ANTXR2: variants seen among roughly 807,000 people sequenced by gnomAD.
ANTXR2 encodes ANTXR cell adhesion molecule 2.
Under a neutral mutation model 73.7 loss-of-function variants are expected in ANTXR2, and 44 were observed. The observed-to-expected ratio is 0.60, with a 90% CI of 0.47 to 0.77. ANTXR2 has a LOEUF of 0.77. ANTXR2 is among the 30% of genes least tolerant of loss of function. The pLI is 0.00. For synonymous variants in ANTXR2, 217 were observed against 205.9 expected, an observed-to-expected ratio of 1.05 and a Z score of -0.46; for missense variants, 604 against 592.5, an observed-to-expected ratio of 1.02 and a Z score of -0.20.
chr4:79,920,121 C>G (rs1727537280), intron 16 of ANTXR2, among the ~76,000 whole-genome samples: 1 of 151,496 alleles, frequency 6.6e-6, no homozygotes, highest in African/African-American at 2.4e-5. Context: ...GCTGGAAAGG[C>G]CTAAAAGCAA....
chr4:79,976,191 C>T (rs113142831), intron 16 of ANTXR2, among the ~76,000 whole-genome samples: 1 of 151,918 alleles, frequency 6.6e-6, no homozygotes, highest in East Asian at 1.9e-4. Context: ...GGATTACAGG[C>T]GTGAGCCACC....
At chr4:80,020,530 C>T (rs1732108983) in intron 10 of ANTXR2, among the ~76,000 whole-genome samples, 1 of 152,178 alleles carries the variant, frequency 6.6e-6, no homozygotes, top group Non-Finnish European at 1.5e-5. Context: ...TCTATTTCAA[C>T]CCTTCACAAT....
At chr4:79,911,511 A>G (rs1236020889) in intron 16 of ANTXR2, among the ~76,000 whole-genome samples, 1 of 151,832 alleles carries the variant, frequency 6.6e-6, no homozygotes, top group Admixed American at 6.6e-5. Flanking sequence ...TATTCTCTAT[A>G]TAGAGGCTAA....
In ANTXR2 at chr4:79,906,761, AG is replaced by A. The variant is rs1004136165; in HGVS notation, c.*667del. The A allele has an allele frequency of 6.6e-6, 1 of 152,666 alleles. No individual in the cohort carries two copies. Among genetic ancestry groups the A allele is most frequent in the Non-Finnish European group, 1.5e-5 (1 of 68,088 alleles). The allele number at this position is 152,666 out of a possible 1,614,324, so 9.5% of individuals were successfully genotyped here. On this transcript the variant is annotated 3_prime_UTR_variant, in exon 17 of 17. Transcript: ENST00000403729. ...AAAGAAAGGTGTCTTCGAAAACTAA[AG>A]GGCAAAATCTTGCTTGCTACCAATA... is the stretch of plus-strand genomic sequence containing the variant.
At chr4:79,912,389 T>C (rs1056733821) in intron 16 of ANTXR2, among the ~76,000 whole-genome samples, 4 of 151,988 alleles carry the variant, frequency 2.6e-5, no homozygotes, top group Admixed American at 6.6e-5. Flanking sequence ...TGCATGTAAA[T>C]ATTAATAATT....
chr4:79,965,264 G>T (rs2110000359), intron 16 of ANTXR2, among the ~76,000 whole-genome samples: 1 of 152,262 alleles, frequency 6.6e-6, no homozygotes, highest in Middle Eastern at 3.4e-3. Context: ...TGACAAGATT[G>T]TTTTCCTAGG....
intron 10 of ANTXR2, among the ~76,000 whole-genome samples, chr4:80,024,166 G>C (rs192510699): frequency 2.6e-5 from 4 of 152,074 alleles, no homozygotes; most frequent in Non-Finnish European, 5.9e-5. Flanking sequence ...TAGGAGGTGA[G>C]GAAGAAGAAA....
At chr4:80,033,210 T>C (rs1340719226) in intron 9 of ANTXR2, among the ~76,000 whole-genome samples, 3 of 152,018 alleles carry the variant, frequency 2.0e-5, no homozygotes, top group Non-Finnish European at 2.9e-5. Flanking sequence ...GTAATTTCAT[T>C]CTTTTAGCCA....
chr4:79,997,221 A>C (rs974727852), intron 12 of ANTXR2, among the ~76,000 whole-genome samples: 1 of 151,948 alleles, frequency 6.6e-6, no homozygotes, highest in Admixed American at 6.6e-5. Flanking sequence ...CAATATTCAG[A>C]AAAGAGTGAA....
rs904628541 is a variant in ANTXR2, at chr4:80,071,672, A to G, written c.153-18T>C. ...TCCCAGACCTGAAAGATGAAATTGA[A>G]CTGATCAGAGAAACAAAACACGGAA... On this transcript the variant is annotated intron_variant, in intron 1 of 16. Transcript: ENST00000403729. 6.3e-7 allele frequency: 1 copy of G among 1,591,294 alleles called. No individual in the cohort carries two copies. The highest frequency in any genetic ancestry group is 1.3e-5 in the African/African-American group (1 of 74,360).
At chr4:80,058,706 G>A (rs926471808) in intron 3 of ANTXR2, among the ~76,000 whole-genome samples, 11 of 150,880 alleles carry the variant, frequency 7.3e-5, no homozygotes, top group South Asian at 4.2e-4. Flanking sequence ...AAATGAAAGC[G>A]AAAATGACTA....
At chr4:80,063,484 T>C (rs1287431688) in intron 3 of ANTXR2, among the ~76,000 whole-genome samples, 2 of 151,980 alleles carry the variant, frequency 1.3e-5, no homozygotes, top group African/African-American at 4.8e-5. Flanking sequence ...AAACCACATA[T>C]ATATATATAA....
intron 16 of ANTXR2, among the ~76,000 whole-genome samples, chr4:79,956,488 T>G (rs1196855343): frequency 1.3e-5 from 2 of 152,114 alleles, no homozygotes; most frequent in African/African-American, 4.8e-5. Context: ...CATTCGGCAA[T>G]GTACCCTTGG....
chr4:79,961,111 T>A (rs894130788), intron 16 of ANTXR2, among the ~76,000 whole-genome samples: 11 of 152,084 alleles, frequency 7.2e-5, no homozygotes, highest in Middle Eastern at 6.8e-3. Context: ...ATGCACTGTA[T>A]CCCCCCTTGG....
intron 7 of ANTXR2, among the ~76,000 whole-genome samples, chr4:80,043,299 T>C (rs147534388): frequency 1.6e-4 from 25 of 152,124 alleles, no homozygotes; most frequent in African/African-American, 5.8e-4. Flanking sequence ...AATGCCTAGT[T>C]TTAAATATTT....
chr4:79,952,623 G>T (rs1453214728), intron 16 of ANTXR2, among the ~76,000 whole-genome samples: 2 of 151,862 alleles, frequency 1.3e-5, no homozygotes, highest in African/African-American at 4.8e-5. Flanking sequence ...CAGAGAATAT[G>T]TTGTATTTTC....
intron 12 of ANTXR2, among the ~76,000 whole-genome samples, chr4:79,986,952 C>T (rs576725373): frequency 2.6e-5 from 4 of 152,330 alleles, no homozygotes; most frequent in Non-Finnish European, 5.9e-5. Flanking sequence ...ATACTGCCTT[C>T]AAACCCTCAA....
chr4:80,030,968 C>T (rs1732661841), intron 10 of ANTXR2, among the ~76,000 whole-genome samples: 1 of 151,950 alleles, frequency 6.6e-6, no homozygotes, highest in East Asian at 1.9e-4. Flanking sequence ...CAAATGGGAA[C>T]ACTAAATTAT....
intron 16 of ANTXR2, among the ~76,000 whole-genome samples, chr4:79,959,136 A>G (rs1729049388): frequency 6.6e-6 from 1 of 152,092 alleles, no homozygotes; most frequent in Non-Finnish European, 1.5e-5. Context: ...CTAAAGGAAA[A>G]TGATTGTGTT....
Sources: gnomAD v4.1 joint callset for allele counts (sites outside exome capture counted in the v4.1 genomes callset) on GRCh38, gnomAD v4.1.1 for gene constraint, MANE v1.5 for transcripts, NCBI Gene and HGNC (gene_info 2026-07-23, HGNC 2026-07-21) for gene names.